Variants in SP140 observed in about 807,000 individuals in gnomAD.
The protein encoded by SP140 is SP140 nuclear body protein.
Under a neutral mutation model 125.0 loss-of-function variants are expected in SP140, and 81 were observed. That is an observed-to-expected ratio of 0.65 (90% CI 0.54 to 0.78). The LOEUF (loss-of-function observed/expected upper bound fraction) is 0.78. Ranked by LOEUF, SP140 falls within the 30% of genes least tolerant of loss-of-function variation. SP140 has a pLI of 0.00. For synonymous variants in SP140, 312 were observed against 354.0 expected (o/e 0.88, Z 1.33); for missense variants, 858 against 1,037.0 (o/e 0.83, Z 2.37).
intron 1 of SP140, among the ~76,000 whole-genome samples, chr2:230,227,386 G>T (rs1389378780): frequency 6.6e-6 from 1 of 152,176 alleles, no homozygotes; most frequent in Admixed American, 6.5e-5. Flanking sequence ...CCAGCCCATG[G>T]TCACCAAGCA....
intron 23 of SP140, chr2:230,310,333 A>C: frequency 4.1e-6 from 2 of 490,442 alleles, no homozygotes; most frequent in Non-Finnish European, 7.4e-6. Context: ...TGGGTTGGAG[A>C]CAAGAAACAC....
intron 1 of SP140, chr2:230,212,906 T>A: frequency 6.2e-7 from 1 of 1,613,788 alleles, no homozygotes; most frequent in South Asian, 1.1e-5. Flanking sequence ...AACAGCTTGG[T>A]TGAGGGGGTT....
At chr2:230,200,903 G>T (rs200627866), upstream of SP140, 1 of 1,613,124 alleles carries the variant, frequency 6.2e-7, no homozygotes, top group Non-Finnish European at 8.5e-7. Context: ...ACCCTTCGTG[G>T]TGTACTAGGC....
intron 20 of SP140, 45 bp from the exon 21 acceptor site, chr2:230,294,226 C>T (rs1023120770): frequency 2.0e-5 from 31 of 1,557,818 alleles, no homozygotes; most frequent in African/African-American, 4.1e-5. Context: ...ACTCACAAAA[C>T]GGAAACACAG....
Position 230,287,817 on chromosome 2 carries a change from A to G in SP140, c.1646-75A>G. 8.6e-6 allele frequency: 11 copies of G among 1,283,702 alleles called. No individual in the cohort carries two copies. The South Asian group carries it at 1.5e-4, about 18-fold the overall frequency. 79.5% of individuals were successfully genotyped at this position (1,283,702 alleles called of 1,614,324 possible). On this transcript the variant is annotated intron_variant, in intron 17 of 26. Transcript: ENST00000392045. ...CTTTTGGAAAGTTACATTTAAATGG[A>G]ATTTTTGAAAAGCTGTAATATGTGT...
At chr2:230,212,998 C>G (rs752311175) in intron 1 of SP140, 7 of 1,613,882 alleles carry the variant, frequency 4.3e-6, no homozygotes, top group East Asian at 2.2e-5. Context: ...ATTGGTGTGT[C>G]TCTGCTCTGC....
chr2:230,203,116 G>T, exon 1 of SP140: 1 of 243,258 alleles, frequency 4.1e-6, no homozygotes, highest in South Asian at 5.4e-5. Flanking sequence ...GCCTGTGTGT[G>T]GTACAAGAGA....
chr2:230,277,937 T>C, intron 15 of SP140, among the ~76,000 whole-genome samples: 1 of 152,166 alleles, frequency 6.6e-6, no homozygotes, highest in East Asian at 1.9e-4. Context: ...TATGCTGCAA[T>C]GAACATGTGG....
At chr2:230,198,342 A>G (rs917860339), upstream of SP140, among the ~76,000 whole-genome samples, 8 of 152,064 alleles carry the variant, frequency 5.3e-5, no homozygotes, top group African/African-American at 1.9e-4. Context: ...TGCAAGGGGG[A>G]TGATAATGGA....
chr2:230,290,377 G>A (rs188524063), intron 18 of SP140, 83 bp from the exon 19 acceptor site: 31 of 1,234,620 alleles, frequency 2.5e-5, no homozygotes, highest in Middle Eastern at 2.4e-4. Context: ...AGTATCCCTC[G>A]TGTCTTTATA....
chr2:230,314,976 A>C (rs938361073), downstream of SP140, among the ~76,000 whole-genome samples: 1 of 152,252 alleles, frequency 6.6e-6, no homozygotes, highest in African/African-American at 2.4e-5. Context: ...AATTTCCCTA[A>C]GGGGCATGAA....
chr2:230,214,909 C>A, intron 3 of SP140: 1 of 1,568,192 alleles, frequency 6.4e-7, no homozygotes, highest in Non-Finnish European at 8.8e-7. Flanking sequence ...TTTACCATAG[C>A]AACTTTTTAA....
intron 22 of SP140, among the ~76,000 whole-genome samples, chr2:230,308,559 A>G (rs1043974029): frequency 6.6e-6 from 1 of 152,218 alleles, no homozygotes; most frequent in Non-Finnish European, 1.5e-5. Context: ...GTGGGCAGGC[A>G]TCCCACGCCA....
chr2:230,235,939 C>T (rs1159698349), intron 1 of SP140, among the ~76,000 whole-genome samples: 3 of 139,642 alleles, frequency 2.1e-5, no homozygotes, highest in African/African-American at 5.5e-5. Context: ...TGCAGTGGCA[C>T]GATCTCAGCT....
intron 10 of SP140, among the ~76,000 whole-genome samples, chr2:230,252,185 G>GAGCC (rs915489814): frequency 2.0e-5 from 3 of 151,688 alleles, no homozygotes; most frequent in Non-Finnish European, 4.4e-5. Context: ...CAGAAAAATA[G>GAGCC]AGCCAGGAAA....
intron 22 of SP140, among the ~76,000 whole-genome samples, chr2:230,309,041 C>T (rs887901396): frequency 6.6e-6 from 1 of 152,212 alleles, no homozygotes; most frequent in Non-Finnish European, 1.5e-5. Flanking sequence ...TGCTCCACAA[C>T]ACGTGGATGC....
chr2:230,230,599 T>A (rs1487627021), intron 1 of SP140: 2 of 152,290 alleles, frequency 1.3e-5, no homozygotes, highest in African/African-American at 4.8e-5. Flanking sequence ...CTTCTCATTG[T>A]TAGCTTGGCA....
downstream of SP140, chr2:230,313,249 T>G (rs2149652403): frequency 6.5e-6 from 1 of 152,900 alleles, no homozygotes; most frequent in South Asian, 2.1e-4. Context: ...CATTCATAGC[T>G]CAACCAAAGA....
At chr2:230,241,232 A>G (rs2048681392) in intron 3 of SP140, among the ~76,000 whole-genome samples, 172 bp from the exon 4 acceptor site, 1 of 152,132 alleles carries the variant, frequency 6.6e-6, no homozygotes, top group Non-Finnish European at 1.5e-5. Flanking sequence ...TGGTTTCACA[A>G]TGATTTACAC....
Sources: allele counts gnomAD v4.1 joint callset (sites outside exome capture counted in the v4.1 genomes callset), GRCh38; gene constraint gnomAD v4.1.1; transcripts MANE v1.5; gene names NCBI Gene and HGNC (gene_info 2026-07-23, HGNC 2026-07-21).